NGF: variants seen among roughly 807,000 people sequenced by gnomAD.
NGF encodes the protein beta-nerve growth factor.
Under a neutral mutation model 12.8 loss-of-function variants are expected in NGF, and 4 were observed. The ratio of observed to expected loss-of-function variants is 0.31; its 90% CI spans 0.15 to 0.72. NGF has a LOEUF of 0.72. Ranked by LOEUF, NGF falls within the 30% of genes least tolerant of loss-of-function variation. The pLI, the probability that NGF is intolerant of heterozygous loss-of-function variation, is 0.69. For synonymous variants in NGF, 140 were observed against 130.0 expected (o/e 1.08, Z -0.52); for missense variants, 283 against 330.8 (o/e 0.86, Z 1.12).
chr1:115,317,110 T>TA (rs201127474), intron 1 of NGF, among the ~76,000 whole-genome samples: 528 of 142,684 alleles, frequency 3.7e-3, no homozygotes, highest in Middle Eastern at 7.4e-3. Flanking sequence ...ACCCAGTTGG[T>TA]AAAAAAAAAA....
intron 1 of NGF, among the ~76,000 whole-genome samples, chr1:115,307,329 G>A (rs1423762561): frequency 6.6e-6 from 1 of 152,156 alleles, no homozygotes; most frequent in Non-Finnish European, 1.5e-5. Context: ...AAACAACAGA[G>A]GGGAGTGGAG....
chr1:115,306,526 T>A (rs1338705077), intron 1 of NGF, among the ~76,000 whole-genome samples: 1 of 152,212 alleles, frequency 6.6e-6, no homozygotes, highest in African/African-American at 2.4e-5. Context: ...CTTTCTAGAA[T>A]AATAAAAATC....
At chr1:115,294,586 T>A (rs1653805742) in intron 1 of NGF, among the ~76,000 whole-genome samples, 1 of 152,198 alleles carries the variant, frequency 6.6e-6, no homozygotes, top group Admixed American at 6.5e-5. Context: ...ATTCTTTATA[T>A]GCCATGAAGG....
chr1:115,301,989 C>T (rs1221385550), intron 1 of NGF, among the ~76,000 whole-genome samples: 2 of 152,222 alleles, frequency 1.3e-5, no homozygotes, highest in Admixed American at 1.3e-4. Context: ...GGATTTGGGA[C>T]AAGTTTAGGC....
At chr1:115,295,239 G>T (rs1332058398) in intron 1 of NGF, among the ~76,000 whole-genome samples, 3 of 152,142 alleles carry the variant, frequency 2.0e-5, no homozygotes, top group African/African-American at 7.2e-5. Flanking sequence ...TGATCTTCAA[G>T]TTACTAGAAA....
At chr1:115,337,491 C>T (rs1374808886) in intron 1 of NGF, among the ~76,000 whole-genome samples, 1 of 151,854 alleles carries the variant, frequency 6.6e-6, no homozygotes, top group Non-Finnish European at 1.5e-5. Context: ...GGAGATGAAG[C>T]GTGTGACCCA....
chr1:115,297,028 G>A (rs1653894241), intron 1 of NGF, among the ~76,000 whole-genome samples: 1 of 152,194 alleles, frequency 6.6e-6, no homozygotes, highest in African/African-American at 2.4e-5. Flanking sequence ...AATAAAGTCT[G>A]ATGTACTTCT....
intron 2 of NGF, among the ~76,000 whole-genome samples, chr1:115,289,925 C>T (rs1240738828): frequency 6.6e-6 from 1 of 152,136 alleles, no homozygotes; most frequent in Non-Finnish European, 1.5e-5. Context: ...CTTCCATTCT[C>T]ATCTCTGGGC....
intron 2 of NGF, among the ~76,000 whole-genome samples, chr1:115,292,157 G>A (rs377281324): frequency 1.2e-4 from 19 of 152,304 alleles, no homozygotes; most frequent in African/African-American, 4.6e-4. Context: ...AGCTGGTGTG[G>A]AGTGTGGGAG....
At chr1:115,303,524 C>T (rs77307977) in intron 1 of NGF, among the ~76,000 whole-genome samples, 37,507 of 151,574 alleles carry the variant, frequency 0.25, 5,442 homozygotes, top group African/African-American at 0.41. Flanking sequence ...TTCTCCATCA[C>T]CATCACCACT....
At chr1:115,308,180 G>T (rs764779436) in intron 1 of NGF, among the ~76,000 whole-genome samples, 1 of 152,224 alleles carries the variant, frequency 6.6e-6, no homozygotes, top group Non-Finnish European at 1.5e-5. Flanking sequence ...TGGGATGCAG[G>T]CTGCTGGAGC....
At chr1:115,316,744 C>T (rs1654484069) in intron 1 of NGF, among the ~76,000 whole-genome samples, 3 of 151,956 alleles carry the variant, frequency 2.0e-5, no homozygotes, top group Admixed American at 2.0e-4. Flanking sequence ...AAATTTAGAC[C>T]AATTGAAATA....
At chr1:115,292,804 G>A (rs916545967) in intron 2 of NGF, among the ~76,000 whole-genome samples, 36 of 152,144 alleles carry the variant, frequency 2.4e-4, no homozygotes, top group African/African-American at 8.2e-4. Context: ...GGAATATTTA[G>A]ATATTGAATT....
rs1292297832 is a variant in NGF at position 115,286,786 on chromosome 1, A to G, written c.10T>C (p.Leu4=). MSM[L]FYTLITAFLI... ...AAAGCTGTGATCAGAGTGTAGAACA[A>G]CATGGACATTACGCTATGCACCTGG... The change falls in exon 3 of 3, where the codon TTG becomes CTG. Residue 4 remains leucine (L), a synonymous_variant. Coordinates refer to ENST00000369512, the MANE Select transcript of NGF (RefSeq NM_002506.3). 3 of 1,614,058 alleles carry G rather than the reference A, an allele frequency of 1.9e-6. No homozygotes were observed. In the East Asian group the frequency reaches 6.7e-5, roughly 36 times the overall value.
intron 1 of NGF, among the ~76,000 whole-genome samples, chr1:115,326,258 G>T (rs1182777125): frequency 1.3e-5 from 2 of 152,110 alleles, no homozygotes; most frequent in Non-Finnish European, 2.9e-5. Flanking sequence ...GAGGTGTCCT[G>T]GCACTGTTGT....
At position 115,324,332 on chromosome 1, in the gene NGF, G is replaced by T. The variant is rs147983344; in HGVS notation, c.-137+13872C>A. On this transcript the variant is annotated intron_variant, in intron 1 of 2. Coordinates refer to ENST00000369512, the MANE Select transcript of NGF (RefSeq NM_002506.3). ...TCTAAACAGGACTCAGTCTCTGCCA[G>T]GCTACATGAAAGGTTTGATTTTGTC... Among the ~76,000 whole-genome samples, 410 of 152,228 alleles carry T rather than the reference G, an allele frequency of 2.7e-3. 2 individuals carry two copies. Among genetic ancestry groups the T allele is most frequent in the African/African-American group, 9.5e-3 (394 of 41,544 alleles).
chr1:115,302,967 C>G (rs1262889732), intron 1 of NGF, among the ~76,000 whole-genome samples: 1 of 152,226 alleles, frequency 6.6e-6, no homozygotes, highest in Non-Finnish European at 1.5e-5. Context: ...GCCCTGCTTT[C>G]TTTTTAGCTA....
At chr1:115,293,916 C>T (rs11466095) in intron 1 of NGF, among the ~76,000 whole-genome samples, 166 bp from the exon 2 acceptor site, 2,029 of 152,278 alleles carry the variant, frequency 0.013, 53 homozygotes, top group African/African-American at 0.046. Flanking sequence ...CAAAATTTAC[C>T]GGAGCTTGGC....
intron 2 of NGF, among the ~76,000 whole-genome samples, chr1:115,290,772 C>CT (rs1371270029): frequency 6.6e-6 from 1 of 152,186 alleles, no homozygotes; most frequent in Non-Finnish European, 1.5e-5. Flanking sequence ...AGAGGACAAA[C>CT]TCCCTGTAGG....
Sources: allele counts gnomAD v4.1 joint callset (sites outside exome capture counted in the v4.1 genomes callset), GRCh38; gene constraint gnomAD v4.1.1; transcripts MANE v1.5; gene names NCBI Gene and HGNC (gene_info 2026-07-23, HGNC 2026-07-21).